The following SMAP1 variants were observed in gnomAD, a reference collection of about 807,000 sequenced individuals.
The protein encoded by SMAP1 is stromal membrane-associated protein 1.
SMAP1 carries 24 observed loss-of-function variants against 58.5 expected under a neutral mutation model. That is an observed-to-expected ratio of 0.41 (90% CI 0.30 to 0.58). The LOEUF (loss-of-function observed/expected upper bound fraction) is 0.58. Ranked by LOEUF, SMAP1 falls within the 20% of genes least tolerant of loss-of-function variation. The pLI is 0.29. For synonymous variants in SMAP1, 216 were observed against 196.6 expected, an observed-to-expected ratio of 1.10 and a Z score of -0.82; for missense variants, 563 against 566.3, an observed-to-expected ratio of 0.99 and a Z score of 0.06.
chr6:70,690,752 G>A (rs1767131261), intron 1 of SMAP1, among the ~76,000 whole-genome samples: 1 of 150,704 alleles, frequency 6.6e-6, no homozygotes, highest in African/African-American at 2.4e-5. Context: ...TGTCATGAAG[G>A]GTGTTGAACT....
intron 1 of SMAP1, among the ~76,000 whole-genome samples, chr6:70,678,290 C>A (rs1037072718): frequency 1.3e-5 from 2 of 152,046 alleles, no homozygotes; most frequent in East Asian, 3.8e-4. Flanking sequence ...ATAAAGCGTG[C>A]CTTTCATTGA....
intron 3 of SMAP1, among the ~76,000 whole-genome samples, chr6:70,769,819 C>G (rs373709038): frequency 6.6e-6 from 1 of 151,892 alleles, no homozygotes; most frequent in African/African-American, 2.4e-5. Context: ...TTATTTTGCT[C>G]GTTAGTTGAT....
At chr6:70,744,332 A>G (rs1765935504) in intron 2 of SMAP1, among the ~76,000 whole-genome samples, 2 of 151,112 alleles carry the variant, frequency 1.3e-5, no homozygotes, top group South Asian at 4.2e-4. Context: ...CCAGCCCCAC[A>G]CCCCCGATAG....
intron 1 of SMAP1, among the ~76,000 whole-genome samples, chr6:70,692,010 A>G (rs1469079470): frequency 3.3e-5 from 5 of 152,042 alleles, no homozygotes; most frequent in South Asian, 2.1e-4. Context: ...TGGTAGGTCT[A>G]TTTTTGGTTT....
intron 2 of SMAP1, chr6:70,734,600 A>T (rs539184895): frequency 6.5e-6 from 1 of 152,712 alleles, no homozygotes; most frequent in Non-Finnish European, 1.5e-5. Flanking sequence ...CTCTGTGGGG[A>T]CTCTGATGAG....
intron 1 of SMAP1, among the ~76,000 whole-genome samples, chr6:70,722,855 C>T (rs1016036950): frequency 3.3e-5 from 5 of 152,178 alleles, no homozygotes; most frequent in Non-Finnish European, 5.9e-5. Context: ...GCCTTCATTC[C>T]GGTAAACCCA....
chr6:70,791,802 A>G, intron 5 of SMAP1, 33 bp downstream of exon 5: 1 of 1,563,566 alleles, frequency 6.4e-7, no homozygotes, highest in Non-Finnish European at 8.8e-7. Context: ...TACATTATGT[A>G]GTGTTAAATG....
At chr6:70,847,779 C>T (rs966196776) in intron 7 of SMAP1, among the ~76,000 whole-genome samples, 5 of 152,094 alleles carry the variant, frequency 3.3e-5, no homozygotes, top group African/African-American at 7.2e-5. Flanking sequence ...ACCATCATTC[C>T]GTAGCTGAGC....
In SMAP1 at chr6:70,827,837, G is replaced by A. The variant is rs936877097; in HGVS notation, c.577-9104G>A. Among the ~76,000 whole-genome samples the A allele has an allele frequency of 2.6e-5, 4 of 152,168 alleles. 1 individual carries two copies. Among genetic ancestry groups the A allele is most frequent in the Admixed American group, 1.3e-4 (2 of 15,272 alleles). ...AACATTTACTGAAAGATGTCCATAT[G>A]ATTGGGGAAATAAAATGTAGATTGT... On this transcript the variant is annotated intron_variant, in intron 6 of 10. Coordinates refer to ENST00000370455, the MANE Select transcript of SMAP1 (RefSeq NM_001044305.3).
chr6:70,841,267 G>T (rs1357487159), intron 7 of SMAP1, among the ~76,000 whole-genome samples: 1 of 152,186 alleles, frequency 6.6e-6, no homozygotes, highest in Non-Finnish European at 1.5e-5. Context: ...AATGGTTCCT[G>T]CAGGGGTTCT....
chr6:70,817,079 G>A (rs1402068862), intron 6 of SMAP1, among the ~76,000 whole-genome samples: 2 of 150,744 alleles, frequency 1.3e-5, no homozygotes, highest in Non-Finnish European at 3.0e-5. Flanking sequence ...CCCTTTCCCA[G>A]AAGCAGTAGC....
At chr6:70,778,453 C>A (rs1332253836) in intron 4 of SMAP1, among the ~76,000 whole-genome samples, 1 of 152,162 alleles carries the variant, frequency 6.6e-6, no homozygotes, top group Non-Finnish European at 1.5e-5. Flanking sequence ...TTTTCTGTAT[C>A]TGTTGAAAAG....
At chr6:70,853,364 T>A (rs2150010291) in intron 8 of SMAP1, among the ~76,000 whole-genome samples, 2 of 152,294 alleles carry the variant, frequency 1.3e-5, no homozygotes, top group Admixed American at 1.3e-4. Flanking sequence ...AAACTACTCT[T>A]AAGCATACAA....
At chr6:70,742,069 T>C (rs1765836646) in intron 2 of SMAP1, among the ~76,000 whole-genome samples, 1 of 152,230 alleles carries the variant, frequency 6.6e-6, no homozygotes, top group African/African-American at 2.4e-5. Context: ...AAGCCTGTGA[T>C]AGGAGGGGCT....
intron 1 of SMAP1, among the ~76,000 whole-genome samples, chr6:70,685,940 C>G (rs1766918204): frequency 6.6e-6 from 1 of 152,074 alleles, no homozygotes. Context: ...GAACCTCACT[C>G]TGTCACCCAG....
At chr6:70,676,603 C>T (rs1331120319) in intron 1 of SMAP1, among the ~76,000 whole-genome samples, 2 of 152,190 alleles carry the variant, frequency 1.3e-5, no homozygotes, top group East Asian at 3.9e-4. Context: ...GTTGGGAAGA[C>T]TGTCACCTTC....
chr6:70,754,677 A>G (rs753822785), intron 2 of SMAP1, among the ~76,000 whole-genome samples: 1 of 152,030 alleles, frequency 6.6e-6, no homozygotes, highest in Non-Finnish European at 1.5e-5. Context: ...CCTACAAACT[A>G]TGAGGGAATT....
At chr6:70,753,667 C>T (rs1461736063) in intron 2 of SMAP1, among the ~76,000 whole-genome samples, 2 of 152,088 alleles carry the variant, frequency 1.3e-5, no homozygotes. Context: ...TCATAGAGCC[C>T]TCTGACTTTA....
At chr6:70,859,534 C>CTAACTCTGAGTGTAAG in intron 10 of SMAP1, 1 of 644,380 alleles carries the variant, frequency 1.6e-6, no homozygotes, top group South Asian at 2.4e-5. Flanking sequence ...AGAACACAGT[C>CTAACTCTGAGTGTAAG]TAACTCTGAG....
Sources: gnomAD v4.1 joint callset for allele counts (sites outside exome capture counted in the v4.1 genomes callset) on GRCh38, gnomAD v4.1.1 for gene constraint, MANE v1.5 for transcripts, NCBI Gene and HGNC (gene_info 2026-07-23, HGNC 2026-07-21) for gene names.